The following SRGAP1 variants were observed in gnomAD, a reference collection of about 807,000 sequenced individuals.
SRGAP1 encodes SLIT-ROBO Rho GTPase-activating protein 1.
Under a neutral mutation model 121.9 loss-of-function variants are expected in SRGAP1, and 43 were observed. The ratio of observed to expected loss-of-function variants is 0.35; its 90% CI spans 0.28 to 0.46. The LOEUF is 0.46. Ranked by LOEUF, SRGAP1 falls within the 20% of genes least tolerant of loss-of-function variation. SRGAP1 has a pLI of 1.00. For synonymous variants in SRGAP1, 447 were observed against 485.4 expected (o/e 0.92, Z 1.04); for missense variants, 1,102 against 1,350.9 (o/e 0.82, Z 2.89).
intron 1 of SRGAP1, among the ~76,000 whole-genome samples, chr12:63,916,504 C>T (rs1045017623): frequency 6.6e-6 from 1 of 152,112 alleles, no homozygotes; most frequent in African/African-American, 2.4e-5. Context: ...CTATACCAGA[C>T]GCTGGGAAAA....
chr12:63,854,018 TGCTTGCTTTGTGA>T (rs1343877956), intron 1 of SRGAP1, among the ~76,000 whole-genome samples: 2 of 152,208 alleles, frequency 1.3e-5, no homozygotes, highest in Admixed American at 6.5e-5. Context: ...CTTCTTTGCT[TGCTTGCTTTGTGA>T]AATATACATA....
chr12:64,090,709 A>T (rs1376049986), intron 11 of SRGAP1, among the ~76,000 whole-genome samples: 2 of 152,162 alleles, frequency 1.3e-5, no homozygotes, highest in African/African-American at 4.8e-5. Context: ...GCATGATGGC[A>T]TGCGCCTGTA....
At chr12:63,938,052 G>A (rs1449816258) in intron 1 of SRGAP1, among the ~76,000 whole-genome samples, 1 of 152,220 alleles carries the variant, frequency 6.6e-6, no homozygotes, top group Non-Finnish European at 1.5e-5. Flanking sequence ...TAAGCCATGT[G>A]TAACAGTCTC....
At chr12:63,905,416 G>T (rs1446537251) in intron 1 of SRGAP1, among the ~76,000 whole-genome samples, 2 of 152,126 alleles carry the variant, frequency 1.3e-5, no homozygotes, top group South Asian at 2.1e-4. Flanking sequence ...CAGTAATATC[G>T]GATGGTCCAA....
intron 1 of SRGAP1, among the ~76,000 whole-genome samples, chr12:63,877,167 T>C (rs540010009): frequency 8.3e-4 from 126 of 152,278 alleles, no homozygotes; most frequent in African/African-American, 3.0e-3. Flanking sequence ...AAGGTTTCAG[T>C]GAGCCGAGAT....
In SRGAP1 at chr12:63,991,795, C is replaced by T. The variant is rs1392659315; in HGVS notation, c.426+1723C>T. Among the ~76,000 whole-genome samples, 3 of 152,236 alleles carry T rather than the reference C, an allele frequency of 2.0e-5. No individual in the cohort carries two copies. In the East Asian group the frequency reaches 5.8e-4, roughly 29 times the overall value. On this transcript the variant is annotated intron_variant, in intron 3 of 21. Coordinates refer to ENST00000355086, the MANE Select transcript of SRGAP1 (RefSeq NM_020762.4). ...ATAATGCTTCTTATTCAGACAGGGC[C>T]TCTAGGACCAGTAACTCTACTGAGT...
At chr12:63,994,562 G>A (rs1459674280) in intron 3 of SRGAP1, among the ~76,000 whole-genome samples, 1 of 152,148 alleles carries the variant, frequency 6.6e-6, no homozygotes, top group Non-Finnish European at 1.5e-5. Flanking sequence ...TTCACATGGA[G>A]CGCCTTACCT....
chr12:64,052,341 G>A (rs544447024), intron 6 of SRGAP1, among the ~76,000 whole-genome samples: 1 of 152,158 alleles, frequency 6.6e-6, no homozygotes, highest in South Asian at 2.1e-4. Context: ...ATCACCTGAG[G>A]TCAGAAGTTC....
chr12:63,873,194 T>C (rs1565929919), intron 1 of SRGAP1, among the ~76,000 whole-genome samples: 1 of 152,084 alleles, frequency 6.6e-6, no homozygotes, highest in South Asian at 2.1e-4. Flanking sequence ...ATATATGAGG[T>C]ACACACTGCT....
At chr12:63,950,023 G>A (rs547171732) in intron 1 of SRGAP1, among the ~76,000 whole-genome samples, 19 of 152,324 alleles carry the variant, frequency 1.2e-4, no homozygotes, top group African/African-American at 4.6e-4. Context: ...CCAAAAGGCG[G>A]TGATTGTGTT....
intron 21 of SRGAP1, 101 bp from the exon 22 acceptor site, chr12:64,142,194 C>A: frequency 1.6e-6 from 2 of 1,239,612 alleles, no homozygotes; most frequent in Non-Finnish European, 2.2e-6. Context: ...GATATCCATA[C>A]TCTGCTGGGC....
chr12:64,067,759 G>T (rs1328818118), intron 8 of SRGAP1, among the ~76,000 whole-genome samples: 1 of 152,132 alleles, frequency 6.6e-6, no homozygotes, highest in Non-Finnish European at 1.5e-5. Flanking sequence ...GATGGAGAAG[G>T]TGAGGTCATT....
At chr12:63,911,897 A>G (rs2136317297) in intron 1 of SRGAP1, among the ~76,000 whole-genome samples, 1 of 152,130 alleles carries the variant, frequency 6.6e-6, no homozygotes, top group South Asian at 2.1e-4. Context: ...TTCTCCATTG[A>G]TTTTCCTTAG....
Position 63,922,167 on chromosome 12 carries a change from C to T in SRGAP1, c.68-61780C>T, listed in dbSNP as rs187410518. On this transcript the variant is annotated intron_variant, in intron 1 of 21. Transcript: ENST00000355086. ...CTTATTTTTGTATTTTTATTAGAGA[C>T]GGGGTCTTGCCATATTGGCCAGGCT... Among the ~76,000 whole-genome samples, 1,343 of 152,066 alleles carry T rather than the reference C, an allele frequency of 8.8e-3. 9 individuals carry two copies. Among genetic ancestry groups the T allele is most frequent in the Non-Finnish European group, 0.015 (1,007 of 67,988 alleles).
intron 1 of SRGAP1, among the ~76,000 whole-genome samples, chr12:63,870,654 G>T (rs1452589677): frequency 3.3e-5 from 5 of 150,604 alleles, no homozygotes; most frequent in Non-Finnish European, 5.9e-5. Context: ...ATTCTCCTGC[G>T]TCAACCTCCT....
In SRGAP1 at chr12:64,115,896, A is replaced by G; in HGVS notation, c.2224+3A>G. 1 of 1,610,116 alleles carries G rather than the reference A, an allele frequency of 6.2e-7. No individual in the cohort carries two copies. Among genetic ancestry groups the G allele is most frequent in the Non-Finnish European group, 8.5e-7 (1 of 1,177,632 alleles). ...AGAGCCCCACACAAGTGAAGATGGT[A>G]TGCTCTCCCCTTATGCTATTATAAA... On this transcript the variant is annotated splice_donor_region_variant and intron_variant, in intron 18 of 21. Transcript: ENST00000355086.
At chr12:64,048,155 C>T (rs538705370) in intron 6 of SRGAP1, among the ~76,000 whole-genome samples, 4 of 152,166 alleles carry the variant, frequency 2.6e-5, no homozygotes, top group South Asian at 2.1e-4. Flanking sequence ...ACTATCCCCA[C>T]TTCCCAATCA....
chr12:63,989,891 G>A lies in SRGAP1; in HGVS notation c.264-19G>A, dbSNP rs532402219. The A allele has an allele frequency of 4.8e-5, 76 of 1,580,352 alleles. No individual in the cohort carries two copies. In the South Asian group the frequency reaches 8.0e-4, roughly 17 times the overall value. On this transcript the variant is annotated intron_variant, in intron 2 of 21. Coordinates refer to ENST00000355086, the MANE Select transcript of SRGAP1 (RefSeq NM_020762.4). ...CAACTTTGAAATGGGTGGTAATTCT[G>A]TGTTTCTTCACTTCTTAGGAAAGAC...
intron 1 of SRGAP1, among the ~76,000 whole-genome samples, chr12:63,929,741 T>G (rs576009036): frequency 1.1e-3 from 174 of 152,300 alleles, no homozygotes; most frequent in Non-Finnish European, 2.1e-3. Context: ...AAAAGATCCA[T>G]TTTCTTTTTG....
Sources: gnomAD v4.1 joint callset for allele counts (sites outside exome capture counted in the v4.1 genomes callset) on GRCh38, gnomAD v4.1.1 for gene constraint, MANE v1.5 for transcripts, NCBI Gene and HGNC (gene_info 2026-07-23, HGNC 2026-07-21) for gene names.